PPM1A: variants seen among roughly 807,000 people sequenced by gnomAD.
PPM1A encodes protein phosphatase 1A.
In PPM1A, 7 loss-of-function variants were observed where a neutral mutation model predicts 35.0. The ratio of observed to expected loss-of-function variants is 0.20; its 90% CI spans 0.11 to 0.38. The LOEUF (loss-of-function observed/expected upper bound fraction) is 0.38, where lower values mean the gene tolerates loss of function less well. PPM1A is among the 10% of genes least tolerant of loss of function. The probability of loss-of-function intolerance (pLI) is 1.00; values close to 1 mark genes in which losing one functional copy is unlikely to be tolerated. For missense variants in PPM1A, 239 were observed against 467.8 expected (o/e 0.51, Z 4.51); for synonymous variants, 153 against 167.3 (o/e 0.91, Z 0.66).
At chr14:60,250,008 G>A (rs1473618958) in intron 1 of PPM1A, among the ~76,000 whole-genome samples, 1 of 151,624 alleles carries the variant, frequency 6.6e-6, no homozygotes, top group South Asian at 2.1e-4. Context: ...GGCCGGCCTG[G>A]CCGGAGAGCG....
intron 1 of PPM1A, among the ~76,000 whole-genome samples, chr14:60,269,855 A>G (rs932085011): frequency 3.3e-5 from 5 of 152,094 alleles, no homozygotes; most frequent in African/African-American, 1.2e-4. Context: ...AGCCGATGGC[A>G]TGTTTATTTT....
upstream of PPM1A, among the ~76,000 whole-genome samples, chr14:60,246,625 T>C (rs1881800940): frequency 6.6e-6 from 1 of 152,220 alleles, no homozygotes; most frequent in South Asian, 2.1e-4. Flanking sequence ...ATCCTCTTTT[T>C]TCAATGTTAT....
chr14:60,256,290 G>A (rs1039473511), intron 1 of PPM1A, among the ~76,000 whole-genome samples: 2 of 137,558 alleles, frequency 1.5e-5, no homozygotes, highest in Admixed American at 7.2e-5. Flanking sequence ...GTGGTGGCAC[G>A]GGCATGGTGG....
At chr14:60,248,883 G>A (rs1881970818), upstream of PPM1A, 1 of 152,436 alleles carries the variant, frequency 6.6e-6, no homozygotes, top group African/African-American at 2.4e-5. Context: ...CGCACATTCT[G>A]TCCAGTCCCT....
intron 1 of PPM1A, chr14:60,277,112 C>G (rs1306496737): frequency 2.8e-6 from 3 of 1,054,280 alleles, no homozygotes; most frequent in Non-Finnish European, 2.4e-6. Context: ...AAATTTCTCT[C>G]AGAAACTAAC....
chr14:60,251,244 C>T (rs958940020), intron 1 of PPM1A, among the ~76,000 whole-genome samples: 12 of 152,182 alleles, frequency 7.9e-5, no homozygotes, highest in African/African-American at 2.9e-4. Flanking sequence ...AATTTGATAT[C>T]ATAAAACATT....
At chr14:60,278,052 T>A (rs1885952613) in intron 1 of PPM1A, among the ~76,000 whole-genome samples, 1 of 152,208 alleles carries the variant, frequency 6.6e-6, no homozygotes, top group African/African-American at 2.4e-5. Flanking sequence ...CTTTTAGGAT[T>A]GGTGTGAAGA....
intron 1 of PPM1A, among the ~76,000 whole-genome samples, chr14:60,271,879 G>A (rs2139451132): frequency 6.6e-6 from 1 of 152,044 alleles, no homozygotes; most frequent in East Asian, 1.9e-4. Flanking sequence ...GTCTTCTCAT[G>A]TAACATTTTA....
chr14:60,249,140 G>A, upstream of PPM1A: 2 of 798,112 alleles, frequency 2.5e-6, no homozygotes, highest in Non-Finnish European at 3.0e-6. This position sits in a 1 kb window ranked among gnomAD's most constrained non-coding sequence, Gnocchi z 4.5. Flanking sequence ...CTGTAGCGGC[G>A]GCGGAGCCAG....
chr14:60,275,568 C>A (rs1885653232), intron 1 of PPM1A, among the ~76,000 whole-genome samples: 1 of 152,108 alleles, frequency 6.6e-6, no homozygotes, highest in Non-Finnish European at 1.5e-5. Flanking sequence ...GTCACTGCAG[C>A]TTCAAATTCG....
In PPM1A at chr14:60,297,162, T is replaced by C. The variant is rs910451431; in HGVS notation, c.*4680T>C. On this transcript the variant is annotated 3_prime_UTR_variant, in exon 6 of 6. Transcript: ENST00000395076. ...CAGAAACAGGCCAATTCCATTTTCT[T>C]GAGCAAGAAAGCTTAGTGTGTTACT... 5 of 151,716 alleles carry C rather than the reference T, an allele frequency of 3.3e-5. No homozygotes were observed. The highest frequency in any genetic ancestry group is 1.2e-4 in the African/African-American group (5 of 41,398). 9.4% of individuals were successfully genotyped at this position (151,716 alleles called of 1,614,324 possible). A position where few individuals can be genotyped will look rare whatever the true frequency, so the allele number is the denominator to read the frequency against.
Position 60,297,376 on chromosome 14 carries a change from A to G in PPM1A, c.*4894A>G, listed in dbSNP as rs572054245. On this transcript the variant is annotated 3_prime_UTR_variant, in exon 6 of 6. Coordinates refer to ENST00000395076, the MANE Select transcript of PPM1A (RefSeq NM_021003.5). Reference sequence around the variant, plus strand: ...AACTATTGTGTCACATAAACCAACAAGAATGAACCTTTGCTGCTTCAGATA... The same window carrying G: ...AACTATTGTGTCACATAAACCAACAGGAATGAACCTTTGCTGCTTCAGATA... 1 of 151,810 alleles carries G rather than the reference A, an allele frequency of 6.6e-6. No homozygotes were observed. Among genetic ancestry groups the G allele is most frequent in the East Asian group, 1.9e-4 (1 of 5,182 alleles). The allele number at this position is 151,810 out of a possible 1,614,324, so 9.4% of individuals were successfully genotyped here.
At chr14:60,269,309 A>T (rs1474410203) in intron 1 of PPM1A, among the ~76,000 whole-genome samples, 1 of 151,976 alleles carries the variant, frequency 6.6e-6, no homozygotes, top group African/African-American at 2.4e-5. Context: ...TAAATAGTTT[A>T]TTTTTTCAGA....
intron 1 of PPM1A, among the ~76,000 whole-genome samples, chr14:60,265,414 G>A (rs1376944354): frequency 6.6e-6 from 1 of 152,062 alleles, no homozygotes; most frequent in Admixed American, 6.6e-5. Flanking sequence ...TGGACTTTTG[G>A]CCATCTCTGT....
Position 60,283,688 on chromosome 14 carries a change from AC to A in PPM1A, c.834+153del, listed in dbSNP as rs1489769568. On this transcript the variant is annotated intron_variant, in intron 2 of 5. Coordinates refer to ENST00000395076, the MANE Select transcript of PPM1A (RefSeq NM_021003.5). The surrounding 1 kb of genome is among the most constrained non-coding windows in gnomAD (Gnocchi z 6.3). ...ACCAATTATGAAAATATATCATAGG[AC>A]CACTATGTAGAAATAAATTACCCAA... The A allele has an allele frequency of 9.5e-6, 7 of 740,720 alleles. No individual in the cohort carries two copies. The Admixed American group carries it at 2.2e-4, about 23-fold the overall frequency. The allele number at this position is 740,720 out of a possible 1,614,324, so 45.9% of individuals were successfully genotyped here.
chr14:60,249,784 G>A lies in PPM1A; in HGVS notation c.-21+107G>A. On this transcript the variant is annotated intron_variant, in intron 1 of 5. Transcript: ENST00000395076. This position sits in a 1 kb window ranked among gnomAD's most constrained non-coding sequence, Gnocchi z 4.5. ...TGTAAACAAGCCGGGCGTCTGCCCG[G>A]GCGCTCCCGGGAGGAGACGCGACAA... 1.4e-6 allele frequency: 1 copy of A among 711,092 alleles called. No individual in the cohort carries two copies. Among genetic ancestry groups the A allele is most frequent in the Non-Finnish European group, 1.7e-6 (1 of 579,340 alleles). 44.0% of individuals were successfully genotyped at this position (711,092 alleles called of 1,614,324 possible). A position where few individuals can be genotyped will look rare whatever the true frequency, so the allele number is the denominator to read the frequency against.
At chr14:60,264,279 C>G (rs1175251221) in intron 1 of PPM1A, among the ~76,000 whole-genome samples, 1 of 152,060 alleles carries the variant, frequency 6.6e-6, no homozygotes, top group Non-Finnish European at 1.5e-5. Context: ...AAACTTGGAT[C>G]TCTGAGAAGT....
At chr14:60,259,913 C>G (rs1883554046) in intron 1 of PPM1A, among the ~76,000 whole-genome samples, 1 of 151,904 alleles carries the variant, frequency 6.6e-6, no homozygotes, top group African/African-American at 2.4e-5. Flanking sequence ...AAGAAAACGA[C>G]TTATGGATTA....
At position 60,292,385 on chromosome 14, in the gene PPM1A, G is replaced by T; in HGVS notation, c.1120-68G>T. ...GAACATTATCTTTCTCCATTATCCA[G>T]AAAGTATGGTGTATTTTGGCACCGC... is the stretch of plus-strand genomic sequence containing the variant. On this transcript the variant is annotated intron_variant, in intron 5 of 5. Transcript: ENST00000395076. The surrounding 1 kb of genome is among the most constrained non-coding windows in gnomAD (Gnocchi z 4.2). 1 of 1,181,672 alleles carries T rather than the reference G, an allele frequency of 8.5e-7. No homozygotes were observed. Among genetic ancestry groups the T allele is most frequent in the Non-Finnish European group, 1.3e-6 (1 of 792,980 alleles). The allele number at this position is 1,181,672 out of a possible 1,614,324, so 73.2% of individuals were successfully genotyped here.
Sources: gnomAD v4.1 joint callset for allele counts (sites outside exome capture counted in the v4.1 genomes callset) on GRCh38, gnomAD v4.1.1 for gene constraint, Gnocchi (gnomAD v3.1) non-coding constraint, MANE v1.5 for transcripts, NCBI Gene and HGNC (gene_info 2026-07-23, HGNC 2026-07-21) for gene names.